Variants in AP1S3 observed in about 807,000 individuals in gnomAD.
AP1S3 encodes the protein adaptor related protein complex 1 subunit sigma 3, also known as AP-1 complex subunit sigma-3.
AP1S3 carries 10 observed loss-of-function variants against 20.9 expected under a neutral mutation model. That is an observed-to-expected ratio of 0.48 (90% CI 0.29 to 0.81). AP1S3 has a LOEUF of 0.81. Among genes scored for constraint, AP1S3 ranks in the 30% least tolerant of loss-of-function variants. AP1S3 has a pLI of 0.08. For missense variants in AP1S3, 154 were observed against 183.8 expected, an observed-to-expected ratio of 0.84 and a Z score of 0.94; for synonymous variants, 41 against 61.5, an observed-to-expected ratio of 0.67 and a Z score of 1.56.
At chr2:223,784,326 C>T (rs1453296362) in intron 1 of AP1S3, among the ~76,000 whole-genome samples, 1 of 152,156 alleles carries the variant, frequency 6.6e-6, no homozygotes, top group South Asian at 2.1e-4. Context: ...CTCCCTGACT[C>T]TGAGGAGAGG....
intron 1 of AP1S3, among the ~76,000 whole-genome samples, chr2:223,779,353 C>T (rs1690868207): frequency 6.6e-6 from 1 of 151,608 alleles, no homozygotes; most frequent in Non-Finnish European, 1.5e-5. Flanking sequence ...AGACAAGCCT[C>T]GGCAACATAG....
chr2:223,764,742 T>C (rs542095851), intron 4 of AP1S3, among the ~76,000 whole-genome samples: 37 of 152,320 alleles, frequency 2.4e-4, no homozygotes, highest in African/African-American at 8.7e-4. Context: ...CTATTCTCCT[T>C]TCCCAGGGAA....
chr2:223,786,053 T>C (rs1293396229), intron 1 of AP1S3, among the ~76,000 whole-genome samples: 5 of 152,168 alleles, frequency 3.3e-5, no homozygotes, highest in African/African-American at 1.2e-4. Flanking sequence ...TCTACATGTG[T>C]TGGGGCAGGA....
At chr2:223,764,840 C>G (rs1158133862) in intron 4 of AP1S3, among the ~76,000 whole-genome samples, 1 of 152,134 alleles carries the variant, frequency 6.6e-6, no homozygotes, top group Admixed American at 6.5e-5. Flanking sequence ...ACCTTTTTGG[C>G]AGTGAAGGAC....
chr2:223,833,018 A>T (rs1692313635), intron 1 of AP1S3, among the ~76,000 whole-genome samples: 4 of 152,024 alleles, frequency 2.6e-5, no homozygotes, highest in Admixed American at 2.6e-4. Flanking sequence ...GGAATTTGCA[A>T]CACAAAAAGA....
intron 1 of AP1S3, among the ~76,000 whole-genome samples, chr2:223,816,346 A>G (rs1691843438): frequency 6.6e-6 from 1 of 152,202 alleles, no homozygotes; most frequent in South Asian, 2.1e-4. Context: ...TTCTGAAAAA[A>G]AAAAAACTAC....
chr2:223,787,312 T>C (rs1020758771), intron 1 of AP1S3, among the ~76,000 whole-genome samples: 1 of 152,216 alleles, frequency 6.6e-6, no homozygotes, highest in Non-Finnish European at 1.5e-5. Flanking sequence ...GTCTCGGGTA[T>C]TTCTTTACAG....
At chr2:223,781,498 G>A (rs888742683) in intron 1 of AP1S3, among the ~76,000 whole-genome samples, 3 of 152,028 alleles carry the variant, frequency 2.0e-5, no homozygotes, top group African/African-American at 4.8e-5. Flanking sequence ...CACTTTGGAA[G>A]GCTGAGGAAG....
At position 223,832,135 on chromosome 2, in the gene AP1S3, C is replaced by CTCTGTGTGTGTG. The variant is rs1327430961; in HGVS notation, c.3+5312_3+5313insCACACACACAGA. ...GGGGATTATTAAAGGAGTTTTCTCT[C>CTCTGTGTGTGTG]TGTGTGTGTGTGTGTGTGTGTGTGT... is the stretch of plus-strand genomic sequence containing the variant. On this transcript the variant is annotated intron_variant, in intron 1 of 4. Coordinates refer to ENST00000396654, the MANE Select transcript of AP1S3 (RefSeq NM_001039569.2). Among the ~76,000 whole-genome samples the CTCTGTGTGTGTG allele has an allele frequency of 1.8e-4, 13 of 70,784 alleles. 1 individual carries two copies. Among genetic ancestry groups the CTCTGTGTGTGTG allele is most frequent in the African/African-American group, 5.0e-4 (12 of 23,938 alleles). The allele number at this position is 70,784 out of a possible 152,430, so 46.4% of individuals were successfully genotyped here.
chr2:223,765,159 CCAT>C (rs10644138), intron 4 of AP1S3, 51 bp downstream of exon 4: 318 of 1,557,542 alleles, frequency 2.0e-4, no homozygotes, highest in East Asian at 3.0e-4. Flanking sequence ...ATTATTAACA[CCAT>C]CATCATCATC....
chr2:223,786,310 T>A (rs1691072844), intron 1 of AP1S3, among the ~76,000 whole-genome samples: 1 of 152,208 alleles, frequency 6.6e-6, no homozygotes, highest in Non-Finnish European at 1.5e-5. Flanking sequence ...CAAAGCAATG[T>A]CATTTCATTC....
At chr2:223,834,292 C>T (rs1427383719) in intron 1 of AP1S3, among the ~76,000 whole-genome samples, 1 of 151,976 alleles carries the variant, frequency 6.6e-6, no homozygotes, top group Non-Finnish European at 1.5e-5. Flanking sequence ...TTCATTTCTA[C>T]AAAAAGTAAA....
intron 1 of AP1S3, among the ~76,000 whole-genome samples, chr2:223,806,879 G>T (rs1271179728): frequency 6.6e-6 from 1 of 151,904 alleles, no homozygotes; most frequent in African/African-American, 2.4e-5. Context: ...ATTTCAGGTG[G>T]TTTTTTCTAC....
intron 1 of AP1S3, among the ~76,000 whole-genome samples, chr2:223,824,844 G>C (rs1692085197): frequency 6.6e-6 from 1 of 152,112 alleles, no homozygotes; most frequent in Non-Finnish European, 1.5e-5. Flanking sequence ...CTAAAAGGAA[G>C]GTATTACTAT....
At chr2:223,808,319 C>T (rs527610238) in intron 1 of AP1S3, among the ~76,000 whole-genome samples, 22 of 152,256 alleles carry the variant, frequency 1.4e-4, no homozygotes, top group Middle Eastern at 3.4e-3. Flanking sequence ...AGAGAAGCTG[C>T]GCTGCAGAGA....
At position 223,803,539 on chromosome 2, in the gene AP1S3, C is replaced by T. The variant is rs148827069; in HGVS notation, c.4-25670G>A. Among the ~76,000 whole-genome samples the T allele has an allele frequency of 2.3e-4, 35 of 152,198 alleles. 1 individual carries two copies. Among genetic ancestry groups the T allele is most frequent in the African/African-American group, 8.4e-4 (35 of 41,532 alleles). ...TCCCAGGATGGCTGGTCATGTAATG[C>T]CTTTGTGATGAAAATTGTACACCTG... On this transcript the variant is annotated intron_variant, in intron 1 of 4. Coordinates refer to ENST00000396654, the MANE Select transcript of AP1S3 (RefSeq NM_001039569.2).
Position 223,796,330 on chromosome 2 carries a change from G to T in AP1S3, c.4-18461C>A, listed in dbSNP as rs182756993. Among the ~76,000 whole-genome samples the T allele has an allele frequency of 5.9e-4, 90 of 152,234 alleles. 1 individual carries two copies. The highest frequency in any genetic ancestry group is 2.2e-3 in the Admixed American group (33 of 15,294). ...TATTTATTTCACTAACAGTTTCCAT[G>T]TTCTGATGGGAAGAGCCTCTGACAG... On this transcript the variant is annotated intron_variant, in intron 1 of 4. Transcript: ENST00000396654.
intron 1 of AP1S3, among the ~76,000 whole-genome samples, chr2:223,807,420 T>G (rs962442973): frequency 2.0e-5 from 3 of 152,214 alleles, no homozygotes; most frequent in African/African-American, 7.2e-5. Context: ...AATAGGGCTT[T>G]GTTGATACTG....
At chr2:223,769,911 A>G (rs1372670882) in intron 3 of AP1S3, among the ~76,000 whole-genome samples, 2 of 151,646 alleles carry the variant, frequency 1.3e-5, no homozygotes, top group Non-Finnish European at 2.9e-5. Context: ...CGCCCGGCTA[A>G]TTTTTTGTAT....
Sources: gnomAD v4.1 joint callset for allele counts (sites outside exome capture counted in the v4.1 genomes callset) on GRCh38, gnomAD v4.1.1 for gene constraint, MANE v1.5 for transcripts, NCBI Gene and HGNC (gene_info 2026-07-23, HGNC 2026-07-21) for gene names.